The following SCAMP1 variants were observed in gnomAD, a reference collection of about 807,000 sequenced individuals.
SCAMP1 encodes secretory carrier-associated membrane protein 1.
In SCAMP1, 15 loss-of-function variants were observed where a neutral mutation model predicts 41.8. That is an observed-to-expected ratio of 0.36 (90% CI 0.24 to 0.55). The LOEUF (loss-of-function observed/expected upper bound fraction) is 0.55. Ranked by LOEUF, SCAMP1 falls within the 20% of genes least tolerant of loss-of-function variation. The pLI, the probability that SCAMP1 is intolerant of heterozygous loss-of-function variation, is 0.86. For missense variants in SCAMP1, 341 were observed against 412.6 expected, an observed-to-expected ratio of 0.83 and a Z score of 1.50; for synonymous variants, 135 against 136.8, an observed-to-expected ratio of 0.99 and a Z score of 0.09.
chr5:78,471,259 C>T (rs935185199), intron 8 of SCAMP1, among the ~76,000 whole-genome samples: 3 of 152,084 alleles, frequency 2.0e-5, no homozygotes, highest in Non-Finnish European at 4.4e-5. Flanking sequence ...AAATGGCAGA[C>T]AGAGCATTAT....
chr5:78,385,082 CT>C lies in SCAMP1; in HGVS notation c.58-3747del, dbSNP rs530040280. Among the ~76,000 whole-genome samples the C allele has an allele frequency of 4.2e-3, 631 of 151,974 alleles. 3 individuals carry two copies. The highest frequency in any genetic ancestry group is 0.014 in the African/African-American group (561 of 41,484). The stretch of plus-strand genomic sequence containing the variant: ...AGCTGTGAATCCATCTGGCCATGGA[CT>C]TTTTTTTGTTGGTAACTTTTTAATT... On this transcript the variant is annotated intron_variant, in intron 1 of 8. Transcript: ENST00000621999.
At chr5:78,454,114 C>G (rs1259653972) in intron 7 of SCAMP1, among the ~76,000 whole-genome samples, 1 of 152,184 alleles carries the variant, frequency 6.6e-6, no homozygotes, top group Non-Finnish European at 1.5e-5. Flanking sequence ...GATATACAAT[C>G]ATGTCGTCTG....
intron 2 of SCAMP1, among the ~76,000 whole-genome samples, chr5:78,391,242 C>T (rs1237424520): frequency 6.0e-5 from 9 of 150,878 alleles, no homozygotes; most frequent in Non-Finnish European, 1.3e-4. Flanking sequence ...GGCAGAGGCG[C>T]CCCTCACCTC....
chr5:78,432,674 G>A (rs1752652500), intron 6 of SCAMP1, among the ~76,000 whole-genome samples: 1 of 151,862 alleles, frequency 6.6e-6, no homozygotes, highest in Admixed American at 6.6e-5. Flanking sequence ...TGAATATGAT[G>A]TGTTAAAGTA....
chr5:78,474,471 C>T (rs900635347), intron 8 of SCAMP1, among the ~76,000 whole-genome samples: 1 of 152,166 alleles, frequency 6.6e-6, no homozygotes. Context: ...CTCCCCAAAC[C>T]AGCCTATCCT....
chr5:78,450,178 T>C (rs1471530356), intron 7 of SCAMP1, 144 bp downstream of exon 7: 1 of 571,964 alleles, frequency 1.7e-6, no homozygotes, highest in Non-Finnish European at 3.0e-6. Context: ...AATTTTAAAA[T>C]GTCATAAGGC....
intron 1 of SCAMP1, among the ~76,000 whole-genome samples, chr5:78,377,932 G>T (rs1456179732): frequency 6.6e-6 from 1 of 152,162 alleles, no homozygotes; most frequent in African/African-American, 2.4e-5. Context: ...CTTAGTAATG[G>T]AACTGGAATT....
rs114570525 is a variant in SCAMP1 at position 78,468,913 on chromosome 5, T to C, written c.853-6591T>C. ...AGTGACTCTTACAGTTATCCCTCTA[T>C]ATGCAGGGGATTGGTTTCAGAACCC... On this transcript the variant is annotated intron_variant, in intron 8 of 8. Coordinates refer to ENST00000621999, the MANE Select transcript of SCAMP1 (RefSeq NM_004866.6). Among the ~76,000 whole-genome samples the C allele has an allele frequency of 8.8e-3, 1,346 of 152,244 alleles. 16 individuals are homozygous for C. The highest frequency in any genetic ancestry group is 0.03 in the African/African-American group (1,267 of 41,546).
chr5:78,419,437 C>T (rs996920766), intron 5 of SCAMP1, among the ~76,000 whole-genome samples: 4 of 152,064 alleles, frequency 2.6e-5, no homozygotes, highest in Non-Finnish European at 4.4e-5. Context: ...TTTTGTTGAA[C>T]GGAACATTAG....
chr5:78,452,003 T>G (rs1753246381), intron 7 of SCAMP1, among the ~76,000 whole-genome samples: 1 of 152,202 alleles, frequency 6.6e-6, no homozygotes, highest in Non-Finnish European at 1.5e-5. Context: ...TATCACAGGT[T>G]ATTTAACTGT....
At chr5:78,451,809 C>G (rs558922489) in intron 7 of SCAMP1, among the ~76,000 whole-genome samples, 1 of 152,282 alleles carries the variant, frequency 6.6e-6, no homozygotes, top group African/African-American at 2.4e-5. Flanking sequence ...CGCCTGCCAC[C>G]CAGCCCAGCT....
chr5:78,427,357 C>G (rs1752493292), intron 6 of SCAMP1, among the ~76,000 whole-genome samples: 3 of 152,004 alleles, frequency 2.0e-5, no homozygotes. Context: ...CATGAGGGAT[C>G]GATCATTCAT....
chr5:78,472,658 C>T (rs1753913460), intron 8 of SCAMP1, among the ~76,000 whole-genome samples: 1 of 151,950 alleles, frequency 6.6e-6, no homozygotes, highest in Non-Finnish European at 1.5e-5. Flanking sequence ...GTGGTCTTTT[C>T]CCTCTAGGTG....
chr5:78,450,453 A>G (rs11951461), intron 7 of SCAMP1, among the ~76,000 whole-genome samples: 68,162 of 152,014 alleles, frequency 0.45, 16,092 homozygotes, highest in Non-Finnish European at 0.51. Flanking sequence ...ATACGAATAT[A>G]CATGGACACT....
At chr5:78,404,107 C>A (rs1356284038) in intron 2 of SCAMP1, among the ~76,000 whole-genome samples, 1 of 105,344 alleles carries the variant, frequency 9.5e-6, no homozygotes, top group East Asian at 2.3e-4. Context: ...CAAAGTGAGA[C>A]CCTGTCTCAA....
chr5:78,466,832 G>A (rs757357618), intron 8 of SCAMP1, among the ~76,000 whole-genome samples: 18 of 152,234 alleles, frequency 1.2e-4, no homozygotes, highest in Non-Finnish European at 2.4e-4. Flanking sequence ...CTTAGGAGAC[G>A]GGCTAGGAAG....
chr5:78,423,473 A>G (rs1445542273), intron 6 of SCAMP1, among the ~76,000 whole-genome samples: 2 of 152,124 alleles, frequency 1.3e-5, no homozygotes, highest in Non-Finnish European at 2.9e-5. Flanking sequence ...ACCTCTGCCT[A>G]ATGACCTCCA....
chr5:78,458,405 C>T (rs183310767), intron 7 of SCAMP1, among the ~76,000 whole-genome samples: 2 of 152,208 alleles, frequency 1.3e-5, no homozygotes, highest in East Asian at 3.9e-4. Context: ...TTTTCATGTG[C>T]TTATTTGTCG....
At chr5:78,439,938 CTTCA>C (rs758245996) in intron 6 of SCAMP1, among the ~76,000 whole-genome samples, 2 of 151,406 alleles carry the variant, frequency 1.3e-5, no homozygotes, top group Non-Finnish European at 3.0e-5. Flanking sequence ...TTCTCCAACA[CTTCA>C]TTTCATTCAT....
Sources: allele counts gnomAD v4.1 joint callset (sites outside exome capture counted in the v4.1 genomes callset), GRCh38; gene constraint gnomAD v4.1.1; transcripts MANE v1.5; gene names NCBI Gene and HGNC (gene_info 2026-07-23, HGNC 2026-07-21).